The following MRPS35 variants were observed in gnomAD, a reference collection of about 807,000 sequenced individuals.
MRPS35 encodes the protein mitochondrial ribosomal protein S35, also known as small ribosomal subunit protein mS35.
In MRPS35, 29 loss-of-function variants were observed where a neutral mutation model predicts 32.7. That is an observed-to-expected ratio of 0.89 (90% confidence interval 0.66 to 1.21). The LOEUF is 1.21. MRPS35 is among the 50% of genes most tolerant of loss of function. MRPS35 has a pLI of 0.00. For missense variants in MRPS35, 373 were observed against 383.8 expected, an observed-to-expected ratio of 0.97 and a Z score of 0.23; for synonymous variants, 148 against 139.3, an observed-to-expected ratio of 1.06 and a Z score of -0.44.
intron 1 of MRPS35, among the ~76,000 whole-genome samples, chr12:27,714,209 A>G (rs186787097): frequency 1.8e-4 from 27 of 152,296 alleles, no homozygotes; most frequent in Admixed American, 1.6e-3. Flanking sequence ...TATTTGTTAA[A>G]AAGTTGTCTT....
intron 2 of MRPS35, 113 bp downstream of exon 2, chr12:27,714,933 T>A: frequency 1.2e-6 from 1 of 864,192 alleles, no homozygotes; most frequent in Non-Finnish European, 1.8e-6. Flanking sequence ...AAGGTCATGT[T>A]TACTGGGTGA....
At chr12:27,727,672 T>C (rs1293242941) in intron 5 of MRPS35, among the ~76,000 whole-genome samples, 1 of 152,182 alleles carries the variant, frequency 6.6e-6, no homozygotes, top group Non-Finnish European at 1.5e-5. Context: ...TAAGAAATCA[T>C]TGTCTTATTC....
At chr12:27,719,686 AAC>A in intron 3 of MRPS35, 120 bp from the exon 4 acceptor site, 15 of 666,658 alleles carry the variant, frequency 2.3e-5, no homozygotes, top group South Asian at 3.7e-5. Flanking sequence ...AAAAAAAAAA[AAC>A]AAACAGATTT....
intron 7 of MRPS35, among the ~76,000 whole-genome samples, chr12:27,744,731 G>T (rs950812288): frequency 1.3e-5 from 2 of 152,144 alleles, no homozygotes; most frequent in African/African-American, 4.8e-5. Flanking sequence ...GAGCATTAGT[G>T]GTTGGCCAGT....
intron 1 of MRPS35, among the ~76,000 whole-genome samples, chr12:27,712,421 G>A (rs778937461): frequency 2.0e-5 from 3 of 152,178 alleles, no homozygotes; most frequent in Non-Finnish European, 2.9e-5. Context: ...TGTGATTTAC[G>A]TTTTTAAAAG....
chr12:27,733,101 A>G (rs1276139654), intron 5 of MRPS35, among the ~76,000 whole-genome samples: 15 of 150,366 alleles, frequency 1.0e-4, no homozygotes, highest in Non-Finnish European at 1.8e-4. Flanking sequence ...TAACAGTATT[A>G]TATCGATTCT....
At chr12:27,744,681 A>G (rs1164092331) in intron 7 of MRPS35, among the ~76,000 whole-genome samples, 1 of 152,174 alleles carries the variant, frequency 6.6e-6, no homozygotes, top group Non-Finnish European at 1.5e-5. Flanking sequence ...GTGTTTGTTA[A>G]ACAACTAACT....
At chr12:27,712,440 C>T (rs1239406869) in intron 1 of MRPS35, among the ~76,000 whole-genome samples, 1 of 152,172 alleles carries the variant, frequency 6.6e-6, no homozygotes, top group African/African-American at 2.4e-5. Flanking sequence ...AGATCACTGG[C>T]TGCTTTACTG....
At position 27,755,360 on chromosome 12, in the gene MRPS35, G is replaced by T. The variant is rs373337753; in HGVS notation, c.882G>T (p.Lys294Asn). The T allele has an allele frequency of 1.4e-5, 22 of 1,607,754 alleles. No individual in the cohort carries two copies. Among genetic ancestry groups the T allele is most frequent in the Non-Finnish European group, 1.8e-5 (21 of 1,178,688 alleles). The part of the protein sequence containing the change: ...LGTKEIEEYK[K>N]SVVSLKNEEE... ...CTAAAGAAATTGAAGAGTACAAAAAGTCTGTTGTTAGTCTTAAAAATGAGG... is the reference window on the plus strand; with the variant it reads ...CTAAAGAAATTGAAGAGTACAAAAATTCTGTTGTTAGTCTTAAAAATGAGG... Residue 294 changes from lysine (K) to asparagine (N), a missense_variant, in exon 8 of 8, where the codon AAG (lysine) becomes AAT (asparagine). Physicochemically the swap from Lys to Asn is moderately conservative, Grantham distance 94 (BLOSUM62 0). Coordinates refer to ENST00000081029, the MANE Select transcript of MRPS35 (RefSeq NM_021821.4).
intron 7 of MRPS35, among the ~76,000 whole-genome samples, chr12:27,751,696 C>T (rs1344274071): frequency 2.0e-5 from 3 of 152,176 alleles, no homozygotes; most frequent in South Asian, 2.1e-4. Flanking sequence ...CTCTCTTTCT[C>T]TGGGCACCAG....
chr12:27,724,861 A>AG (rs1366287395), intron 5 of MRPS35, among the ~76,000 whole-genome samples: 1 of 152,168 alleles, frequency 6.6e-6, no homozygotes, highest in Non-Finnish European at 1.5e-5. Flanking sequence ...ATGGGATGAT[A>AG]CTGTATGTGT....
chr12:27,728,409 C>T (rs888502289), intron 5 of MRPS35, among the ~76,000 whole-genome samples: 3 of 152,046 alleles, frequency 2.0e-5, no homozygotes, highest in African/African-American at 7.3e-5. Context: ...CACATACATA[C>T]ACATCTAAGT....
At chr12:27,711,908 T>C (rs1353131561) in intron 1 of MRPS35, among the ~76,000 whole-genome samples, 1 of 131,514 alleles carries the variant, frequency 7.6e-6, no homozygotes, top group Non-Finnish European at 1.7e-5. Context: ...CTTGGAATAC[T>C]TAACTCCTAT....
At position 27,745,331 on chromosome 12, in the gene MRPS35, G is replaced by A. The variant is rs142310594; in HGVS notation, c.702+7723G>A. ...TTGCCCAAGGTTACAGAGCTTTTTA[G>A]TGGAGGAACTCAGACCTGAACTGCA... On this transcript the variant is annotated intron_variant, in intron 7 of 7. Coordinates refer to ENST00000081029, the MANE Select transcript of MRPS35 (RefSeq NM_021821.4). Among the ~76,000 whole-genome samples the A allele has an allele frequency of 4.9e-3, 746 of 152,266 alleles. 2 individuals are homozygous for A. Among genetic ancestry groups the A allele is most frequent in the Non-Finnish European group, 8.1e-3 (552 of 68,022 alleles).
In MRPS35 at chr12:27,724,178, G is replaced by A. The variant is rs750682547; in HGVS notation, c.514G>A (p.Val172Ile). The A allele has an allele frequency of 6.4e-7, 1 of 1,557,786 alleles. No individual in the cohort carries two copies. Among genetic ancestry groups the A allele is most frequent in the Non-Finnish European group, 8.6e-7 (1 of 1,158,670 alleles). ...SVRNPRARVV[V>I]LRVKLSSLNL... is the part of the protein sequence containing the mutation. ...TCGGAACCCCAGAGCACGAGTAGTA[G>A]TCTTAAGAGTAAGAGTTTTTTTCAT... Residue 172 changes from valine to isoleucine, a missense_variant, in exon 5 of 8, where the codon GTC becomes ATC. By Grantham distance (29) the Val-to-Ile change is conservative (BLOSUM62 3). Coordinates refer to ENST00000081029, the MANE Select transcript of MRPS35 (RefSeq NM_021821.4).
At chr12:27,726,286 A>C (rs1050313032) in intron 5 of MRPS35, among the ~76,000 whole-genome samples, 1 of 152,050 alleles carries the variant, frequency 6.6e-6, no homozygotes, top group Admixed American at 6.6e-5. Context: ...CACTTAGTGT[A>C]ATGTTTTCAA....
Position 27,731,339 on chromosome 12 carries a change from A to G in MRPS35, c.523-4108A>G, listed in dbSNP as rs534302476. Among the ~76,000 whole-genome samples, 4 of 152,290 alleles carry G rather than the reference A, an allele frequency of 2.6e-5. No individual in the cohort carries two copies. The East Asian group carries it at 7.7e-4, about 29-fold the overall frequency. ...AGGTGCCTCCTGGGACCCTCAAAAT[A>G]TTAACTTTTATACTCTGTGTAGCCT... On this transcript the variant is annotated intron_variant, in intron 5 of 7. Coordinates refer to ENST00000081029, the MANE Select transcript of MRPS35 (RefSeq NM_021821.4).
chr12:27,726,977 T>TC (rs2061903252), intron 5 of MRPS35, among the ~76,000 whole-genome samples: 1 of 148,362 alleles, frequency 6.7e-6, no homozygotes, highest in African/African-American at 2.5e-5. Flanking sequence ...TTTTTTTTTT[T>TC]TGAGACGGAG....
At chr12:27,749,532 A>G (rs1026605344) in intron 7 of MRPS35, among the ~76,000 whole-genome samples, 11 of 152,224 alleles carry the variant, frequency 7.2e-5, no homozygotes, top group African/African-American at 2.4e-4. Flanking sequence ...ATAGTGAAAC[A>G]TTTGGACAGT....
Sources: allele counts gnomAD v4.1 joint callset (sites outside exome capture counted in the v4.1 genomes callset), GRCh38; gene constraint gnomAD v4.1.1; transcripts MANE v1.5; gene names NCBI Gene and HGNC (gene_info 2026-07-23, HGNC 2026-07-21).